KCNIP4: variants seen among roughly 807,000 people sequenced by gnomAD.
KCNIP4 encodes the protein potassium voltage-gated channel interacting protein 4.
A neutral mutation model predicts 34.0 loss-of-function variants in KCNIP4; 12 were observed. The ratio of observed to expected loss-of-function variants is 0.35; its 90% confidence interval spans 0.23 to 0.57. The LOEUF (loss-of-function observed/expected upper bound fraction) is 0.57. Among genes scored for constraint, KCNIP4 ranks in the 20% least tolerant of loss-of-function variants. KCNIP4 has a pLI of 0.83. For synonymous variants in KCNIP4, 124 were observed against 102.2 expected (o/e 1.21, Z -1.29); for missense variants, 238 against 311.7 (o/e 0.76, Z 1.78).
intron 1 of KCNIP4, 24 bp from the exon 2 acceptor site, chr4:20,882,733 G>A: frequency 1.3e-6 from 2 of 1,565,024 alleles, no homozygotes; most frequent in Non-Finnish European, 1.8e-6. Context: ...GATCAGTTCT[G>A]TTAATGCTGT....
At chr4:20,846,402 T>C (rs1486814854) in intron 3 of KCNIP4, among the ~76,000 whole-genome samples, 1 of 152,190 alleles carries the variant, frequency 6.6e-6, no homozygotes, top group Non-Finnish European at 1.5e-5. Flanking sequence ...CCACCTAAAA[T>C]TGAACTGAAG....
At chr4:21,718,321 G>T (rs185767987) in intron 1 of KCNIP4, among the ~76,000 whole-genome samples, 1 of 152,068 alleles carries the variant, frequency 6.6e-6, no homozygotes, top group Non-Finnish European at 1.5e-5. Flanking sequence ...ATATTTATTA[G>T]CCAATTTGTA....
At chr4:20,881,962 C>T (rs1233785288) in intron 2 of KCNIP4, among the ~76,000 whole-genome samples, 1 of 152,090 alleles carries the variant, frequency 6.6e-6, no homozygotes, top group Non-Finnish European at 1.5e-5. Flanking sequence ...CATGCCAGTC[C>T]CCATAATGGT....
At chr4:21,674,691 T>C (rs947093447) in intron 1 of KCNIP4, among the ~76,000 whole-genome samples, 2 of 152,096 alleles carry the variant, frequency 1.3e-5, no homozygotes, top group Non-Finnish European at 2.9e-5. Flanking sequence ...TTTAATCCTA[T>C]ATCATACCAC....
At chr4:21,018,800 A>G (rs1166999438) in intron 1 of KCNIP4, among the ~76,000 whole-genome samples, 2 of 152,192 alleles carry the variant, frequency 1.3e-5, no homozygotes, top group Non-Finnish European at 2.9e-5. Flanking sequence ...TTGGACTAAC[A>G]TAGAAAGTAT....
At chr4:20,802,711 G>A (rs1252119696) in intron 3 of KCNIP4, among the ~76,000 whole-genome samples, 2 of 152,136 alleles carry the variant, frequency 1.3e-5, no homozygotes, top group Admixed American at 6.5e-5. Flanking sequence ...AACAAAAAAC[G>A]TTGTTGTGGA....
chr4:20,923,135 A>C (rs1476523371), intron 1 of KCNIP4, among the ~76,000 whole-genome samples: 1 of 152,162 alleles, frequency 6.6e-6, no homozygotes, highest in Admixed American at 6.5e-5. Context: ...AAAGGCCAAG[A>C]ATCATTTACA....
intron 1 of KCNIP4, among the ~76,000 whole-genome samples, chr4:21,178,974 GC>G (rs1448877455): frequency 1.3e-5 from 2 of 151,888 alleles, no homozygotes; most frequent in African/African-American, 4.8e-5. Flanking sequence ...GCACCACCAT[GC>G]CCAGCTAATT....
intron 1 of KCNIP4, among the ~76,000 whole-genome samples, chr4:20,969,154 T>C (rs1440408028): frequency 6.6e-6 from 1 of 152,180 alleles, no homozygotes; most frequent in Non-Finnish European, 1.5e-5. Flanking sequence ...TAATCTAATG[T>C]CTGCTTAGTA....
At chr4:21,009,981 T>C (rs961868385) in intron 1 of KCNIP4, among the ~76,000 whole-genome samples, 9 of 152,198 alleles carry the variant, frequency 5.9e-5, no homozygotes, top group African/African-American at 2.2e-4. Context: ...GTTCTGGAGA[T>C]TGGCAAGTCC....
intron 1 of KCNIP4, among the ~76,000 whole-genome samples, chr4:21,065,556 C>A (rs1182617391): frequency 6.7e-6 from 1 of 149,870 alleles, no homozygotes; most frequent in East Asian, 1.9e-4. Flanking sequence ...AAGGACAATT[C>A]TTTCTAAGTT....
chr4:21,690,133 TTA>T (rs113193178), intron 1 of KCNIP4, among the ~76,000 whole-genome samples: 77 of 145,560 alleles, frequency 5.3e-4, no homozygotes, highest in Middle Eastern at 3.6e-3. Flanking sequence ...ATATTTTATA[TTA>T]TATATATATA....
At chr4:21,159,582 C>G (rs1471518129) in intron 1 of KCNIP4, among the ~76,000 whole-genome samples, 1 of 37,294 alleles carries the variant, frequency 2.7e-5, no homozygotes, top group Non-Finnish European at 5.0e-5. Flanking sequence ...GAGGCATTGC[C>G]TCACCTGGGA....
At chr4:21,461,434 T>C (rs76077357) in intron 1 of KCNIP4, among the ~76,000 whole-genome samples, 2 of 151,824 alleles carry the variant, frequency 1.3e-5, no homozygotes, top group Non-Finnish European at 1.5e-5. Context: ...TTTTTTTTTT[T>C]CACACTTCAT....
In KCNIP4 at chr4:21,742,179, G is replaced by A. The variant is rs78887122; in HGVS notation, c.61+206392C>T. ...GGTACTGAATAAAAGTCAGATTTCT[G>A]TACAGAGCTATGCGAAAATGACACT... is the stretch of plus-strand genomic sequence containing the variant. On this transcript the variant is annotated intron_variant, in intron 1 of 8. Transcript: ENST00000382152. Among the ~76,000 whole-genome samples, 53 of 152,242 alleles carry A rather than the reference G, an allele frequency of 3.5e-4. 1 individual carries two copies. The East Asian group carries it at 0.01, about 29-fold the overall frequency.
chr4:21,775,905 G>A (rs1719141128), intron 1 of KCNIP4, among the ~76,000 whole-genome samples: 1 of 152,142 alleles, frequency 6.6e-6, no homozygotes, highest in African/African-American at 2.4e-5. Flanking sequence ...CCCAGCGCTG[G>A]CTGATGCCCC....
chr4:21,464,526 C>T (rs1220780660), intron 1 of KCNIP4, among the ~76,000 whole-genome samples: 4 of 152,064 alleles, frequency 2.6e-5, no homozygotes, highest in Admixed American at 2.6e-4. Context: ...ACTGATTTCT[C>T]ATTTCATTCC....
intron 1 of KCNIP4, among the ~76,000 whole-genome samples, chr4:21,188,658 A>G (rs993705872): frequency 6.6e-6 from 1 of 152,028 alleles, no homozygotes; most frequent in African/African-American, 2.4e-5. Flanking sequence ...TGAGAGATGA[A>G]CTCCCTTTTT....
intron 1 of KCNIP4, among the ~76,000 whole-genome samples, chr4:21,685,807 C>A (rs1212666568): frequency 2.0e-5 from 3 of 152,188 alleles, no homozygotes; most frequent in African/African-American, 7.2e-5. Context: ...ACTTTGAGTG[C>A]AAACAAGTTT....
Sources: gnomAD v4.1 joint callset for allele counts (sites outside exome capture counted in the v4.1 genomes callset) on GRCh38, gnomAD v4.1.1 for gene constraint, MANE v1.5 for transcripts, NCBI Gene and HGNC (gene_info 2026-07-23, HGNC 2026-07-21) for gene names.